Variants in SS18 observed in about 807,000 individuals in gnomAD.
SS18 encodes protein SSXT.
In SS18, 28 loss-of-function variants were observed where a neutral mutation model predicts 72.5. The ratio of observed to expected loss-of-function variants is 0.39; its 90% CI spans 0.29 to 0.53. The LOEUF (loss-of-function observed/expected upper bound fraction) is 0.53, where lower values mean the gene tolerates loss of function less well. SS18 is among the 20% of genes least tolerant of loss of function. The probability of loss-of-function intolerance (pLI) is 0.76; values close to 1 mark genes in which losing one functional copy is unlikely to be tolerated. For synonymous variants in SS18, 172 were observed against 164.2 expected (o/e 1.05, Z -0.37); for missense variants, 518 against 535.3 (o/e 0.97, Z 0.32).
intron 2 of SS18, among the ~76,000 whole-genome samples, chr18:26,084,717 G>A (rs990368091): frequency 6.6e-6 from 1 of 151,932 alleles, no homozygotes; most frequent in African/African-American, 2.4e-5. Context: ...CCTAAATGAG[G>A]GACATTCCAC....
chr18:26,078,421 C>T (rs989440581), intron 2 of SS18: 21 of 279,150 alleles, frequency 7.5e-5, no homozygotes, highest in East Asian at 1.4e-4. Flanking sequence ...ACCAATACTA[C>T]GAGGCAGGAG....
Position 26,069,519 on chromosome 18 carries a change from A to G in SS18, c.231+8557T>C, listed in dbSNP as rs920790743. Among the ~76,000 whole-genome samples the G allele has an allele frequency of 1.9e-4, 29 of 150,538 alleles. 1 individual carries two copies. The highest frequency in any genetic ancestry group is 7.1e-4 in the African/African-American group (29 of 40,654). ...AGACCTACCAAAGTAAAAAAAAAAA[A>G]AAAAAAAGAAAAAGAAAGAAATACT... is the stretch of plus-strand genomic sequence containing the variant. On this transcript the variant is annotated intron_variant, in intron 3 of 10. Transcript: ENST00000415083.
Position 26,035,979 on chromosome 18 carries a change from C to A in SS18, c.881-56G>T. 3 of 1,042,894 alleles carry A rather than the reference C, an allele frequency of 2.9e-6. No homozygotes were observed. The highest frequency in any genetic ancestry group is 1.6e-5 in the African/African-American group (1 of 60,818). 64.6% of individuals were successfully genotyped at this position (1,042,894 alleles called of 1,614,324 possible). A position where few individuals can be genotyped will look rare whatever the true frequency, so the allele number is the denominator to read the frequency against. ...ACGTTAATGGCCACTGAGTGAAAAC[C>A]CTAAAAATATTTAAACTTTCAGATA... is the stretch of plus-strand genomic sequence containing the variant. On this transcript the variant is annotated intron_variant, in intron 7 of 10. Coordinates refer to ENST00000415083, the MANE Select transcript of SS18 (RefSeq NM_001007559.3). The surrounding 1 kb of genome is among the most constrained non-coding windows in gnomAD (Gnocchi z 4.4).
At chr18:26,021,533 T>A (rs541403074) in intron 10 of SS18, among the ~76,000 whole-genome samples, 215 of 152,118 alleles carry the variant, frequency 1.4e-3, no homozygotes, top group African/African-American at 4.8e-3. Flanking sequence ...CTTCAATTTT[T>A]AAAAAAAATT....
chr18:26,084,365 C>T (rs1397464226), intron 2 of SS18, among the ~76,000 whole-genome samples: 3 of 152,078 alleles, frequency 2.0e-5, no homozygotes, highest in African/African-American at 7.2e-5. Context: ...ATTTGGTAAC[C>T]ACTTAAAGTG....
At chr18:26,059,547 G>A (rs1249611314) in intron 3 of SS18, among the ~76,000 whole-genome samples, 1 of 152,180 alleles carries the variant, frequency 6.6e-6, no homozygotes, top group Admixed American at 6.5e-5. Flanking sequence ...ACAAAGACTG[G>A]AGTGTAGGCC....
At chr18:26,043,516 G>A (rs1475064082) in intron 5 of SS18, among the ~76,000 whole-genome samples, 1 of 152,070 alleles carries the variant, frequency 6.6e-6, no homozygotes, top group African/African-American at 2.4e-5. Context: ...CTTATTTGGA[G>A]TTATTTCTAA....
At position 26,023,945 on chromosome 18, in the gene SS18, C is replaced by T. The variant is rs78162620; in HGVS notation, c.1231-5565G>A. 7.1e-3 allele frequency among the ~76,000 whole-genome samples: 1,085 copies of T among 151,826 alleles called. 15 individuals are homozygous for T. Among genetic ancestry groups the T allele is most frequent in the African/African-American group, 0.025 (1,029 of 41,398 alleles). On this transcript the variant is annotated intron_variant, in intron 10 of 10. Coordinates refer to ENST00000415083, the MANE Select transcript of SS18 (RefSeq NM_001007559.3). ...ACGTATACAGAAGTAAAATTTGTAA[C>T]AATAACACAAAGAGAAGAAAAGCAG...
chr18:26,022,852 T>C (rs2053376643), intron 10 of SS18, among the ~76,000 whole-genome samples: 1 of 152,166 alleles, frequency 6.6e-6, no homozygotes, highest in Non-Finnish European at 1.5e-5. Flanking sequence ...CAATACTTGT[T>C]TGTCACATAG....
At chr18:26,027,940 GA>G (rs2053479775) in intron 10 of SS18, among the ~76,000 whole-genome samples, 1 of 151,788 alleles carries the variant, frequency 6.6e-6, no homozygotes, top group African/African-American at 2.4e-5. Context: ...AATCCATAAA[GA>G]AAAAACTGAT....
intron 10 of SS18, among the ~76,000 whole-genome samples, chr18:26,029,605 AG>A (rs2053509578): frequency 6.6e-6 from 1 of 152,322 alleles, no homozygotes; most frequent in South Asian, 2.1e-4. Context: ...CCTGAGGAAC[AG>A]GAAGAATGGA....
intron 2 of SS18, among the ~76,000 whole-genome samples, chr18:26,079,671 C>T (rs989653585): frequency 6.6e-6 from 1 of 152,114 alleles, no homozygotes; most frequent in Non-Finnish European, 1.5e-5. Flanking sequence ...CAGCCTTGAT[C>T]TCCTGGGCTC....
chr18:26,060,914 T>TGC (rs1333674235), intron 3 of SS18, among the ~76,000 whole-genome samples: 1 of 141,832 alleles, frequency 7.1e-6, no homozygotes, highest in African/African-American at 2.6e-5. Flanking sequence ...TGAGATCGCA[T>TGC]CACTGCACTC....
rs1030129995 is a variant in SS18 at position 26,017,190 on chromosome 18, A to G, written c.*1164T>C. 10 of 205,322 alleles carry G rather than the reference A, an allele frequency of 4.9e-5. No individual in the cohort carries two copies. Among genetic ancestry groups the G allele is most frequent in the Non-Finnish European group, 1.0e-4 (10 of 100,438 alleles). 12.7% of individuals were successfully genotyped at this position (205,322 alleles called of 1,614,324 possible). ...AGAATGCAACCTCGGTGCTTTAAAA[A>G]CAGATAGAATAAACCTCATCAATAA... On this transcript the variant is annotated 3_prime_UTR_variant, in exon 11 of 11. Coordinates refer to ENST00000415083, the MANE Select transcript of SS18 (RefSeq NM_001007559.3).
At chr18:26,081,282 C>T (rs2054518180) in intron 2 of SS18, 1 of 152,140 alleles carries the variant, frequency 6.6e-6, no homozygotes. Context: ...TCTCCGCCTC[C>T]CAGGTTCAAG....
At position 26,035,619 on chromosome 18, in the gene SS18, T is replaced by G; in HGVS notation, c.973+212A>C. ...AATTATCTTTAATGTTTTAGTCTTT[T>G]TATTATTGTTAGAAATGGCAAGTCA... On this transcript the variant is annotated intron_variant, in intron 8 of 10. Transcript: ENST00000415083. The surrounding 1 kb of genome is among the most constrained non-coding windows in gnomAD (Gnocchi z 4.4). 2.5e-6 allele frequency: 1 copy of G among 396,502 alleles called. No individual in the cohort carries two copies. Among genetic ancestry groups the G allele is most frequent in the Non-Finnish European group, 4.5e-6 (1 of 223,688 alleles). 24.6% of individuals were successfully genotyped at this position (396,502 alleles called of 1,614,324 possible).
At chr18:26,075,466 A>G in intron 3 of SS18, among the ~76,000 whole-genome samples, 1 of 151,970 alleles carries the variant, frequency 6.6e-6, no homozygotes, top group Non-Finnish European at 1.5e-5. Flanking sequence ...TTAACAGATT[A>G]AAGAAGAAAA....
In SS18 at chr18:26,089,038, G is replaced by C. The variant is rs75640195; in HGVS notation, c.70-1461C>G. On this transcript the variant is annotated intron_variant, in intron 1 of 10. Coordinates refer to ENST00000415083, the MANE Select transcript of SS18 (RefSeq NM_001007559.3). ...TCTCCAGTATATTCCTCAAACTATTGAACTTCACCATTAAAATATCTGTCT... is the reference window on the plus strand; with the variant it reads ...TCTCCAGTATATTCCTCAAACTATTCAACTTCACCATTAAAATATCTGTCT... Among the ~76,000 whole-genome samples the C allele has an allele frequency of 7.0e-3, 1,066 of 152,144 alleles. 14 individuals are homozygous for C. Among genetic ancestry groups the C allele is most frequent in the African/African-American group, 0.024 (1,010 of 41,492 alleles).
At chr18:26,065,771 C>T (rs1373149409) in intron 3 of SS18, among the ~76,000 whole-genome samples, 1 of 84,700 alleles carries the variant, frequency 1.2e-5, no homozygotes. Context: ...AAGACTTGTT[C>T]CAGAATATAT....
Sources: gnomAD v4.1 joint callset for allele counts (sites outside exome capture counted in the v4.1 genomes callset) on GRCh38, gnomAD v4.1.1 for gene constraint, Gnocchi (gnomAD v3.1) non-coding constraint, MANE v1.5 for transcripts, NCBI Gene and HGNC (gene_info 2026-07-23, HGNC 2026-07-21) for gene names.